ACTR3C: variants seen among roughly 807,000 people sequenced by gnomAD.
ACTR3C encodes the protein actin-related protein 3C.
ACTR3C carries 18 observed loss-of-function variants against 26.3 expected under a neutral mutation model. That is an observed-to-expected ratio of 0.68 (90% CI 0.47 to 1.01). The LOEUF is 1.01. Among genes scored for constraint, ACTR3C ranks in the 50% least tolerant of loss-of-function variants. The probability of loss-of-function intolerance (pLI) is 0.00; values close to 1 mark genes in which losing one functional copy is unlikely to be tolerated. For synonymous variants in ACTR3C, 55 were observed against 94.5 expected, an observed-to-expected ratio of 0.58 and a Z score of 2.42; for missense variants, 184 against 250.7, an observed-to-expected ratio of 0.73 and a Z score of 1.80.
the ACTR3C span, among the ~76,000 whole-genome samples, chr7:150,133,335 G>T: frequency 6.6e-6 from 1 of 152,186 alleles, no homozygotes; most frequent in African/African-American, 2.4e-5. Context: ...CTACAAGGAA[G>T]GCTTGGTAAT....
the ACTR3C span, among the ~76,000 whole-genome samples, chr7:150,089,644 T>C: frequency 2.0e-5 from 3 of 152,214 alleles, no homozygotes; most frequent in Non-Finnish European, 4.4e-5. Context: ...CAATGGCATA[T>C]TGGAGACCTA....
the ACTR3C span, among the ~76,000 whole-genome samples, chr7:150,055,508 T>A: frequency 9.0e-4 from 134 of 149,260 alleles, no homozygotes; most frequent in African/African-American, 3.1e-3. Context: ...TTTTTTTTTT[T>A]ATCTTTGCTA....
At chr7:150,180,473 T>C in the ACTR3C span, among the ~76,000 whole-genome samples, 8 of 149,746 alleles carry the variant, frequency 5.3e-5, no homozygotes, top group African/African-American at 1.8e-4. Context: ...ATAAAAAGAA[T>C]GATTTGCCCA....
the ACTR3C span, among the ~76,000 whole-genome samples, chr7:149,972,813 G>A: frequency 6.6e-6 from 1 of 152,156 alleles, no homozygotes; most frequent in Non-Finnish European, 1.5e-5. Context: ...GGTAAGCCCT[G>A]TGAGCAGACA....
the ACTR3C span, among the ~76,000 whole-genome samples, chr7:150,112,346 G>T: frequency 1.3e-5 from 2 of 151,944 alleles, no homozygotes; most frequent in Non-Finnish European, 2.9e-5. Context: ...AATGAATAAC[G>T]GTAACACTGT....
chr7:149,882,331 G>A, the ACTR3C span, among the ~76,000 whole-genome samples: 2 of 152,152 alleles, frequency 1.3e-5, no homozygotes, highest in Admixed American at 6.5e-5. Context: ...ACACTCTCCC[G>A]GGATGTGTGT....
intron 3 of ACTR3C, among the ~76,000 whole-genome samples, chr7:150,291,217 A>G (rs71537948): frequency 0.18 from 27,725 of 151,884 alleles, 3,423 homozygotes; most frequent in African/African-American, 0.34. Context: ...GATCACCTGA[A>G]GTCGGCAGTT....
the ACTR3C span, among the ~76,000 whole-genome samples, chr7:150,071,788 C>T: frequency 1.3e-5 from 2 of 151,726 alleles, no homozygotes; most frequent in African/African-American, 2.4e-5. Context: ...AACTCCAGAA[C>T]GTGGTTTCCT....
chr7:150,156,539 TGA>T, the ACTR3C span, among the ~76,000 whole-genome samples: 10 of 148,480 alleles, frequency 6.7e-5, no homozygotes, highest in East Asian at 2.0e-4. Flanking sequence ...TGGTGCTTAT[TGA>T]GAGAGAGAGA....
chr7:150,301,296 C>G (rs71537954), intron 1 of ACTR3C, among the ~76,000 whole-genome samples: 2 of 152,172 alleles, frequency 1.3e-5, no homozygotes, highest in African/African-American at 2.4e-5. Flanking sequence ...TTTCTGAGTA[C>G]AGCTGGGGAA....
At chr7:149,931,209 G>A in the ACTR3C span, among the ~76,000 whole-genome samples, 1 of 152,186 alleles carries the variant, frequency 6.6e-6, no homozygotes, top group Admixed American at 6.5e-5. Flanking sequence ...TCCCACACTG[G>A]GGTTTTGGCT....
chr7:150,265,367 G>T (rs984392765), intron 6 of ACTR3C, among the ~76,000 whole-genome samples: 2 of 148,858 alleles, frequency 1.3e-5, no homozygotes, highest in African/African-American at 5.1e-5. Context: ...TAATGTAATA[G>T]ATTTTTTTAA....
chr7:150,049,930 A>G, the ACTR3C span, among the ~76,000 whole-genome samples: 1 of 152,266 alleles, frequency 6.6e-6, no homozygotes, highest in Non-Finnish European at 1.5e-5. Context: ...AACTTGCTGC[A>G]TGGGAGAGGC....
At chr7:150,281,623 C>G (rs1466470547) in intron 6 of ACTR3C, among the ~76,000 whole-genome samples, 4 of 151,732 alleles carry the variant, frequency 2.6e-5, no homozygotes, top group African/African-American at 9.7e-5. Context: ...CTTCCACAGT[C>G]TTTCCTAAAG....
At chr7:149,934,522 G>A in the ACTR3C span, among the ~76,000 whole-genome samples, 1 of 152,190 alleles carries the variant, frequency 6.6e-6, no homozygotes, top group Non-Finnish European at 1.5e-5. Flanking sequence ...ATAGAAAAAT[G>A]AATGTCTATG....
chr7:150,048,251 A>C, the ACTR3C span, among the ~76,000 whole-genome samples: 2 of 149,388 alleles, frequency 1.3e-5, no homozygotes, highest in Non-Finnish European at 3.0e-5. Flanking sequence ...ACCACCTAGA[A>C]ACCCGCACAC....
chr7:149,962,224 C>G, the ACTR3C span, among the ~76,000 whole-genome samples: 1 of 152,106 alleles, frequency 6.6e-6, no homozygotes, highest in Admixed American at 6.5e-5. Flanking sequence ...GAGGTGTTCA[C>G]TCACAAGAAG....
At chr7:149,963,920 G>C in the ACTR3C span, among the ~76,000 whole-genome samples, 7 of 152,156 alleles carry the variant, frequency 4.6e-5, no homozygotes. Context: ...AGTGACAAAA[G>C]AGACATGCAT....
the ACTR3C span, among the ~76,000 whole-genome samples, chr7:149,924,226 T>C: frequency 1.3e-5 from 2 of 150,700 alleles, no homozygotes; most frequent in African/African-American, 4.9e-5. Flanking sequence ...ATATAAAAAA[T>C]TAGCTGGGTG....
Sources: gnomAD v4.1 joint callset for allele counts (sites outside exome capture counted in the v4.1 genomes callset) on GRCh38, gnomAD v4.1.1 for gene constraint, MANE v1.5 for transcripts, NCBI Gene and HGNC (gene_info 2026-07-23, HGNC 2026-07-21) for gene names.